Variants in MS4A6E observed in about 807,000 individuals in gnomAD.
The protein encoded by MS4A6E is membrane spanning 4-domains A6E, also known as membrane-spanning 4-domains subfamily A member 6E.
MS4A6E carries 8 observed loss-of-function variants against 13.2 expected under a neutral mutation model. The ratio of observed to expected loss-of-function variants is 0.60; its 90% CI spans 0.35 to 1.09. The LOEUF (loss-of-function observed/expected upper bound fraction) is 1.09. Among genes scored for constraint, MS4A6E ranks in the 50% least tolerant of loss-of-function variants. The pLI is 0.02. For missense variants in MS4A6E, 177 were observed against 171.1 expected, an observed-to-expected ratio of 1.03 and a Z score of -0.19; for synonymous variants, 72 against 67.6, an observed-to-expected ratio of 1.06 and a Z score of -0.32.
intron 1 of MS4A6E, among the ~76,000 whole-genome samples, chr11:60,334,007 T>G (rs2085172928): frequency 6.6e-6 from 1 of 152,192 alleles, no homozygotes; most frequent in Non-Finnish European, 1.5e-5. Flanking sequence ...AGACTCGATC[T>G]GGAGAAAACC....
chr11:60,343,150 A>T (rs1252054581), downstream of MS4A6E, among the ~76,000 whole-genome samples: 1 of 152,112 alleles, frequency 6.6e-6, no homozygotes, highest in Non-Finnish European at 1.5e-5. Flanking sequence ...AAAGAGATAA[A>T]TTTTACAAGA....
intron 1 of MS4A6E, among the ~76,000 whole-genome samples, chr11:60,328,137 A>C (rs538236864): frequency 6.6e-6 from 1 of 152,188 alleles, no homozygotes; most frequent in Non-Finnish European, 1.5e-5. Flanking sequence ...TGGAAGGCAG[A>C]ACTTAAAGGC....
intron 1 of MS4A6E, among the ~76,000 whole-genome samples, chr11:60,329,576 C>T (rs1012318461): frequency 9.9e-5 from 15 of 152,270 alleles, no homozygotes; most frequent in Admixed American, 3.9e-4. Context: ...ACACTGTCTT[C>T]CACAATGGTT....
Position 60,334,985 on chromosome 11 carries a change from C to G in MS4A6E, c.90C>G (p.Thr30=). Residue 30 remains threonine (T), a synonymous_variant, in exon 2 of 5, where the codon ACC becomes ACG. Coordinates refer to ENST00000684409, the MANE Select transcript of MS4A6E (RefSeq NM_139249.4). ...NFSQAEKPEP[T]NQGQDSLKKR... is the part of the protein sequence containing the mutation. ...CCCAAGCAGAGAAACCCGAACCCAC[C>G]AACCAGGGGCAGGATAGCCTGAAGA... 6.2e-7 allele frequency: 1 copy of G among 1,614,178 alleles called. No homozygotes were observed. Among genetic ancestry groups the G allele is most frequent in the Non-Finnish European group, 8.5e-7 (1 of 1,180,036 alleles).
chr11:60,342,989 G>C (rs1228145929), downstream of MS4A6E, among the ~76,000 whole-genome samples: 1 of 152,154 alleles, frequency 6.6e-6, no homozygotes, highest in Non-Finnish European at 1.5e-5. Context: ...GTTGGACAGT[G>C]ACTCTTTCTG....
At position 60,334,919 on chromosome 11, in the gene MS4A6E, T is replaced by G; in HGVS notation, c.24T>G (p.Asn8Lys). The G allele has an allele frequency of 3.1e-6, 5 of 1,614,112 alleles. No homozygotes were observed. The highest frequency in any genetic ancestry group is 4.2e-6 in the Non-Finnish European group (5 of 1,179,952). Residue 8 changes from asparagine to lysine, a missense_variant, in exon 2 of 5, where the codon AAT becomes AAG. By Grantham distance (94) the Asn-to-Lys change is moderately conservative. Coordinates refer to ENST00000684409, the MANE Select transcript of MS4A6E (RefSeq NM_139249.4). Reference sequence around the variant, plus strand: ...TTATGACATCACAACCTATTTCCAATGAGACCATCATAATGCTCCCATCAA... The same window carrying G: ...TTATGACATCACAACCTATTTCCAAGGAGACCATCATAATGCTCCCATCAA... MTSQPIS[N>K]ETIIMLPSNV...
At chr11:60,342,144 AG>A (rs1440507644), downstream of MS4A6E, among the ~76,000 whole-genome samples, 1 of 125,412 alleles carries the variant, frequency 8.0e-6, no homozygotes, top group Non-Finnish European at 1.7e-5. Flanking sequence ...AGGATAAACA[AG>A]TGTGTGTGTG....
chr11:60,335,060 C>T lies in MS4A6E; in HGVS notation c.147+18C>T. On this transcript the variant is annotated intron_variant, in intron 2 of 4. Coordinates refer to ENST00000684409, the MANE Select transcript of MS4A6E (RefSeq NM_139249.4). ...TTATTGGGGTAAATCTAATTCAGAACATGTTGGAGAGGGGTTAGGGGAAGT... is the reference window on the plus strand; with the variant it reads ...TTATTGGGGTAAATCTAATTCAGAATATGTTGGAGAGGGGTTAGGGGAAGT... 6.2e-7 allele frequency: 1 copy of T among 1,613,550 alleles called. No homozygotes were observed. Among genetic ancestry groups the T allele is most frequent in the East Asian group, 2.2e-5 (1 of 44,864 alleles).
downstream of MS4A6E, among the ~76,000 whole-genome samples, chr11:60,342,520 G>A (rs1306611758): frequency 6.6e-6 from 1 of 152,128 alleles, no homozygotes; most frequent in Admixed American, 6.5e-5. Flanking sequence ...TGAGGAGGTC[G>A]TGTCTGATTT....
intron 2 of MS4A6E, 117 bp from the exon 3 acceptor site, chr11:60,337,624 C>T (rs1044275922): frequency 9.3e-6 from 12 of 1,287,982 alleles, no homozygotes; most frequent in Non-Finnish European, 1.3e-5. Flanking sequence ...GAAATGATCC[C>T]TCCGGGACTT....
At chr11:60,332,444 A>G (rs1195394639) in intron 1 of MS4A6E, among the ~76,000 whole-genome samples, 1 of 152,210 alleles carries the variant, frequency 6.6e-6, no homozygotes, top group Non-Finnish European at 1.5e-5. Context: ...ACCCAAAACA[A>G]CTATCTGAGT....
downstream of MS4A6E, among the ~76,000 whole-genome samples, chr11:60,341,925 G>T (rs1442304088): frequency 6.6e-6 from 1 of 151,886 alleles, no homozygotes. Context: ...ATACTTATTG[G>T]ATACCAGACA....
chr11:60,335,050 T>G lies in MS4A6E; in HGVS notation c.147+8T>G, dbSNP rs1268721930. On this transcript the variant is annotated splice_region_variant and intron_variant, in intron 2 of 4. Coordinates refer to ENST00000684409, the MANE Select transcript of MS4A6E (RefSeq NM_139249.4). ...AAAGTCAAAGTTATTGGGGTAAATC[T>G]AATTCAGAACATGTTGGAGAGGGGT... The G allele has an allele frequency of 6.2e-7, 1 of 1,613,954 alleles. No individual in the cohort carries two copies. Among genetic ancestry groups the G allele is most frequent in the South Asian group, 1.1e-5 (1 of 91,050 alleles).
chr11:60,330,564 G>T (rs543183624), intron 1 of MS4A6E, among the ~76,000 whole-genome samples: 8 of 150,688 alleles, frequency 5.3e-5, no homozygotes, highest in African/African-American at 1.7e-4. Flanking sequence ...GGATGGTCTC[G>T]ATCTGACCTC....
At chr11:60,343,158 A>G (rs1278154058), downstream of MS4A6E, among the ~76,000 whole-genome samples, 2 of 152,146 alleles carry the variant, frequency 1.3e-5, no homozygotes, top group African/African-American at 4.8e-5. Context: ...AAATTTTACA[A>G]GAAGGTTTAG....
At chr11:60,336,179 G>C (rs1189648387) in intron 2 of MS4A6E, among the ~76,000 whole-genome samples, 1 of 152,140 alleles carries the variant, frequency 6.6e-6, no homozygotes, top group African/African-American at 2.4e-5. Flanking sequence ...CAATGTAACT[G>C]TCTATGATGG....
chr11:60,336,036 A>G (rs2085186733), intron 2 of MS4A6E, among the ~76,000 whole-genome samples: 1 of 152,190 alleles, frequency 6.6e-6, no homozygotes, highest in Non-Finnish European at 1.5e-5. Flanking sequence ...TCTGGCTACA[A>G]AAATCTCCCA....
intron 4 of MS4A6E, among the ~76,000 whole-genome samples, chr11:60,348,658 G>A (rs1397538719): frequency 1.3e-5 from 2 of 152,196 alleles, no homozygotes; most frequent in Non-Finnish European, 2.9e-5. Context: ...TGTAACCCTG[G>A]CGAGAAATCC....
chr11:60,327,859 G>A (rs746375849), intron 1 of MS4A6E, among the ~76,000 whole-genome samples: 5 of 151,628 alleles, frequency 3.3e-5, no homozygotes, highest in East Asian at 1.9e-4. Context: ...GTGAAACCTC[G>A]TCTCTACCAA....
Sources: allele counts gnomAD v4.1 joint callset (sites outside exome capture counted in the v4.1 genomes callset), GRCh38; gene constraint gnomAD v4.1.1; transcripts MANE v1.5; gene names NCBI Gene and HGNC (gene_info 2026-07-23, HGNC 2026-07-21).